POPDC3: variants seen among roughly 807,000 people sequenced by gnomAD.
POPDC3 encodes popeye domain-containing protein 3.
A neutral mutation model predicts 28.2 loss-of-function variants in POPDC3; 20 were observed. The ratio of observed to expected loss-of-function variants is 0.71; its 90% CI spans 0.50 to 1.03. The LOEUF (loss-of-function observed/expected upper bound fraction) is 1.03, where lower values mean the gene tolerates loss of function less well. POPDC3 is among the 50% of genes least tolerant of loss of function. The probability of loss-of-function intolerance (pLI) is 0.00; values close to 1 mark genes in which losing one functional copy is unlikely to be tolerated. For synonymous variants in POPDC3, 118 were observed against 124.1 expected (o/e 0.95, Z 0.33); for missense variants, 316 against 345.9 (o/e 0.91, Z 0.69).
intron 1 of POPDC3, 109 bp downstream of exon 1, chr6:105,179,724 G>C (rs1774747161): frequency 6.6e-6 from 1 of 152,262 alleles, no homozygotes; most frequent in South Asian, 2.1e-4. Flanking sequence ...GGGGTCGGCG[G>C]CCCAGCAGAA....
chr6:105,178,676 G>A (rs1190273), intron 1 of POPDC3: 915,852 of 965,146 alleles, frequency 0.95, 434,948 homozygotes, highest in Non-Finnish European at 0.96. Flanking sequence ...TTCATTTTGC[G>A]AATATGGAAA....
intron 1 of POPDC3, chr6:105,179,189 G>T (rs9486051): frequency 0.05 from 49,214 of 985,290 alleles, 3,285 homozygotes; most frequent in African/African-American, 0.3. Flanking sequence ...GACAATTTAG[G>T]GGTTGGCAAA....
At chr6:105,178,563 GACACACACACACAC>G (rs56060844) in intron 1 of POPDC3, 10,238 of 152,714 alleles carry the variant, frequency 0.067, 436 homozygotes, top group African/African-American at 0.1. Context: ...AACTCCTGAA[GACACACACACACAC>G]ACACACACAC....
At chr6:105,162,764 C>A (rs1774369129) in intron 1 of POPDC3, among the ~76,000 whole-genome samples, 1 of 152,202 alleles carries the variant, frequency 6.6e-6, no homozygotes, top group Non-Finnish European at 1.5e-5. Flanking sequence ...GATTCATGGA[C>A]TGCTTCCAGA....
chr6:105,173,964 G>A (rs1774632425), intron 1 of POPDC3, among the ~76,000 whole-genome samples: 1 of 152,100 alleles, frequency 6.6e-6, no homozygotes, highest in African/African-American at 2.4e-5. Context: ...ACTTAACAAG[G>A]ATATAGCCTG....
chr6:105,161,161 C>T (rs1270272575), intron 2 of POPDC3, among the ~76,000 whole-genome samples: 2 of 152,172 alleles, frequency 1.3e-5, no homozygotes, highest in African/African-American at 4.8e-5. Context: ...AAACAAATAT[C>T]ATATCACATA....
chr6:105,175,945 GC>G (rs1481975608), intron 1 of POPDC3, among the ~76,000 whole-genome samples: 4 of 152,112 alleles, frequency 2.6e-5, no homozygotes, highest in African/African-American at 9.7e-5. Flanking sequence ...ATAACAGGGA[GC>G]CTCTGACTGT....
At chr6:105,167,878 TA>T (rs1011848181) in intron 1 of POPDC3, among the ~76,000 whole-genome samples, 1 of 152,152 alleles carries the variant, frequency 6.6e-6, no homozygotes, top group African/African-American at 2.4e-5. Context: ...GTTCTTACTT[TA>T]AAAAAATGTT....
At chr6:105,161,338 T>C (rs1774321941) in intron 2 of POPDC3, 87 bp downstream of exon 2, 2 of 1,471,158 alleles carry the variant, frequency 1.4e-6, no homozygotes, top group South Asian at 2.7e-5. Flanking sequence ...CCCAGGACTA[T>C]GTGATACTGA....
intron 1 of POPDC3, among the ~76,000 whole-genome samples, chr6:105,177,530 C>G (rs1453360478): frequency 1.3e-5 from 2 of 152,200 alleles, no homozygotes; most frequent in East Asian, 3.8e-4. Context: ...AGCTAGGAAA[C>G]AAACACCTTC....
intron 1 of POPDC3, among the ~76,000 whole-genome samples, chr6:105,170,113 A>G (rs764943667): frequency 6.6e-6 from 1 of 152,182 alleles, no homozygotes; most frequent in Non-Finnish European, 1.5e-5. Flanking sequence ...GCAGCAGTAA[A>G]GTCTCTACTT....
At chr6:105,165,846 T>G (rs915942106) in intron 1 of POPDC3, among the ~76,000 whole-genome samples, 1 of 152,202 alleles carries the variant, frequency 6.6e-6, no homozygotes, top group Non-Finnish European at 1.5e-5. Flanking sequence ...TGGGATCAGC[T>G]CTCAACTTTG....
At position 105,157,900 on chromosome 6, in the gene POPDC3, T is replaced by A. The variant is rs1774218342; in HGVS notation, c.*570A>T. The stretch of plus-strand genomic sequence containing the variant: ...GGCAGCTTTGTTTTCCAGGAAATGC[T>A]TCTTTTTAAATGTTATTTTATTTGT... On this transcript the variant is annotated 3_prime_UTR_variant, in exon 4 of 4. Coordinates refer to ENST00000254765, the MANE Select transcript of POPDC3 (RefSeq NM_022361.5). Among the ~76,000 whole-genome samples the A allele has an allele frequency of 6.6e-6, 1 of 152,258 alleles. No individual in the cohort carries two copies. Among genetic ancestry groups the A allele is most frequent in the African/African-American group, 2.4e-5 (1 of 41,470 alleles).
chr6:105,172,350 G>C (rs1774594423), intron 1 of POPDC3, among the ~76,000 whole-genome samples: 1 of 151,206 alleles, frequency 6.6e-6, no homozygotes, highest in South Asian at 2.1e-4. Context: ...TCTCACACCA[G>C]TTAGAATGGC....
intron 1 of POPDC3, among the ~76,000 whole-genome samples, chr6:105,173,020 A>T (rs1329350961): frequency 6.6e-6 from 1 of 152,210 alleles, no homozygotes; most frequent in African/African-American, 2.4e-5. Context: ...CATGTACCCT[A>T]AAACTTAAAG....
intron 1 of POPDC3, among the ~76,000 whole-genome samples, chr6:105,173,504 G>C (rs1374546236): frequency 1.3e-5 from 2 of 152,146 alleles, no homozygotes; most frequent in Non-Finnish European, 2.9e-5. Context: ...GTCAGAACCT[G>C]TGTGAACTAC....
chr6:105,167,482 C>T (rs758898302), intron 1 of POPDC3, among the ~76,000 whole-genome samples: 9 of 152,160 alleles, frequency 5.9e-5, no homozygotes, highest in East Asian at 1.9e-4. Flanking sequence ...CATGGTGGCT[C>T]ACGCCTGTAA....
At chr6:105,177,908 T>A (rs1582999957) in intron 1 of POPDC3, among the ~76,000 whole-genome samples, 1 of 152,344 alleles carries the variant, frequency 6.6e-6, no homozygotes, top group Middle Eastern at 3.4e-3. Context: ...TTTTTATAGG[T>A]AATTTCAGTC....
At chr6:105,168,961 C>T (rs1774518736) in intron 1 of POPDC3, 1 of 152,234 alleles carries the variant, frequency 6.6e-6, no homozygotes, top group Admixed American at 6.5e-5. Flanking sequence ...GGACCCCAAA[C>T]TCCAAATAAG....
Sources: allele counts gnomAD v4.1 joint callset (sites outside exome capture counted in the v4.1 genomes callset), GRCh38; gene constraint gnomAD v4.1.1; transcripts MANE v1.5; gene names NCBI Gene and HGNC (gene_info 2026-07-23, HGNC 2026-07-21).